The following RBPJL variants were observed in gnomAD, a reference collection of about 807,000 sequenced individuals.
The protein encoded by RBPJL is recombination signal binding protein for immunoglobulin kappa J region like.
RBPJL carries 50 observed loss-of-function variants against 57.6 expected under a neutral mutation model. The observed-to-expected ratio is 0.87, with a 90% CI of 0.69 to 1.10. The LOEUF is 1.10. Among genes scored for constraint, RBPJL ranks in the 50% least tolerant of loss-of-function variants. The pLI is 0.00. For synonymous variants in RBPJL, 303 were observed against 294.4 expected (o/e 1.03, Z -0.30); for missense variants, 684 against 693.7 (o/e 0.99, Z 0.16).
rs1207264626 is a variant in RBPJL, at chr20:45,316,725, G to T, written c.1320G>T (p.Ala440=). 1 of 1,612,414 alleles carries T rather than the reference G, an allele frequency of 6.2e-7. No homozygotes were observed. Residue 440 remains alanine, a synonymous_variant, in exon 12 of 12, where the codon GCG becomes GCT. Coordinates refer to ENST00000343694, the MANE Select transcript of RBPJL (RefSeq NM_014276.4). ...TGGTGTGCGTGGTGCCGGACGTGGC[G>T]GCCTTCTGCAGCGACTGGCGCTGGC... is the stretch of plus-strand genomic sequence containing the variant. ...RSLVCVVPDV[A]AFCSDWRWLR...
intron 4 of RBPJL, 82 bp from the exon 5 acceptor site, chr20:45,311,757 G>T (rs1248366031): frequency 6.5e-6 from 10 of 1,539,236 alleles, no homozygotes; most frequent in Non-Finnish European, 8.9e-6. Flanking sequence ...GTCTCCCCGC[G>T]CCCTCTGGCG....
Position 45,314,468 on chromosome 20 carries a change from C to T in RBPJL, c.923C>T (p.Ser308Phe), listed in dbSNP as rs1222887208. Reference protein sequence around the residue: ...CALLDVDEPISQLHKCAFQFP... With the variant: ...CALLDVDEPIFQLHKCAFQFP... Reference sequence around the variant, plus strand: ...CTCCTTGATGTGGATGAGCCCATCTCCCAGCTGCACAAGTGTGCATTCCAG... The same window carrying T: ...CTCCTTGATGTGGATGAGCCCATCTTCCAGCTGCACAAGTGTGCATTCCAG... The change falls in exon 9 of 12, where the codon TCC becomes TTC. Residue 308 changes from serine (S) to phenylalanine (F), a missense_variant. Coordinates refer to ENST00000343694, the MANE Select transcript of RBPJL (RefSeq NM_014276.4). 6.8e-6 allele frequency: 11 copies of T among 1,614,220 alleles called. No homozygotes were observed. Among genetic ancestry groups the T allele is most frequent in the Non-Finnish European group, 9.3e-6 (11 of 1,180,028 alleles).
intron 2 of RBPJL, 144 bp downstream of exon 2, chr20:45,308,395 C>T (rs373514399): frequency 3.4e-5 from 21 of 610,746 alleles, no homozygotes; most frequent in African/African-American, 2.2e-4. Context: ...GGGAGGGATC[C>T]CCCCTTCCTC....
At position 45,311,584 on chromosome 20, in the gene RBPJL, C is replaced by T. The variant is rs375904402; in HGVS notation, c.258-5C>T. ...CACGACTCCAACACTCACTTATCTC[C>T]GCAGGTTCTTCTGCCCCCCGCCCTG... On this transcript the variant is annotated splice_polypyrimidine_tract_variant and splice_region_variant and intron_variant, in intron 3 of 11. Transcript: ENST00000343694. 258 of 1,614,082 alleles carry T rather than the reference C, an allele frequency of 1.6e-4. No individual in the cohort carries two copies. Among genetic ancestry groups the T allele is most frequent in the East Asian group, 4.9e-4 (22 of 44,880 alleles).
In RBPJL at chr20:45,311,824, C is replaced by T. The variant is rs943658281; in HGVS notation, c.329-15C>T. On this transcript the variant is annotated splice_polypyrimidine_tract_variant and intron_variant, in intron 4 of 11. Coordinates refer to ENST00000343694, the MANE Select transcript of RBPJL (RefSeq NM_014276.4). ...CTCCCGAGTCCTTGCAGAGCCAGTT[C>T]GCGTCCCTTTCCAGCTCACCAGGCG... The T allele has an allele frequency of 1.3e-5, 20 of 1,546,504 alleles. No homozygotes were observed. In the Admixed American group the frequency reaches 2.0e-4, roughly 15 times the overall value.
rs1986729320 is a variant in RBPJL at position 45,306,849 on chromosome 20, A to G, written c.-74A>G. 8.9e-7 allele frequency: 1 copy of G among 1,122,866 alleles called. No individual in the cohort carries two copies. Among genetic ancestry groups the G allele is most frequent in the East Asian group, 3.2e-5 (1 of 31,294 alleles). The allele number at this position is 1,122,866 out of a possible 1,614,324, so 69.6% of individuals were successfully genotyped here. On this transcript the variant is annotated 5_prime_UTR_variant, in exon 1 of 12. Coordinates refer to ENST00000343694, the MANE Select transcript of RBPJL (RefSeq NM_014276.4). ...CAAGAGCCGAGGAGCAGGGGTGTGC[A>G]GGGTTCCAGCGACAGCAGCACTGGA...
intron 4 of RBPJL, 81 bp from the exon 5 acceptor site, chr20:45,311,758 C>G: frequency 1.3e-6 from 2 of 1,544,900 alleles, no homozygotes; most frequent in Non-Finnish European, 8.8e-7. Flanking sequence ...TCTCCCCGCG[C>G]CCTCTGGCGG....
In RBPJL at chr20:45,311,852, G is replaced by C. The variant is rs1352490961; in HGVS notation, c.342G>C (p.Gly114=). 2 of 1,551,830 alleles carry C rather than the reference G, an allele frequency of 1.3e-6. No homozygotes were observed. The highest frequency in any genetic ancestry group is 1.7e-6 in the Non-Finnish European group (2 of 1,147,018). ...GTCCCTTTCCAGCTCACCAGGCGGGGGAAACGGGGCCCACGGTCTGCGGTT... is the reference window on the plus strand; with the variant it reads ...GTCCCTTTCCAGCTCACCAGGCGGGCGAAACGGGGCCCACGGTCTGCGGTT... The part of the protein sequence containing the change: ...KPGQDQAHQA[G]ETGPTVCGYM... Residue 114 remains glycine (G), a synonymous_variant, in exon 5 of 12, where the codon GGG becomes GGC. Coordinates refer to ENST00000343694, the MANE Select transcript of RBPJL (RefSeq NM_014276.4).
rs1020019760 is a variant in RBPJL at position 45,316,842 on chromosome 20, C to T, written c.1437C>T (p.Tyr479=). ...TCTCCTTCACCTACACCCCGGAATA[C>T]AGCGTGCGGCCGGGTCACCCCGGCG... ...SAFSFTYTPE[Y]SVRPGHPGVP... is the part of the protein sequence containing the mutation. The change falls in exon 12 of 12, where the codon TAC becomes TAT. Residue 479 remains tyrosine, a synonymous_variant. Transcript: ENST00000343694. 7 of 1,613,826 alleles carry T rather than the reference C, an allele frequency of 4.3e-6. No homozygotes were observed. The South Asian group carries it at 6.6e-5, about 15-fold the overall frequency.
Position 45,317,129 on chromosome 20 carries a change from C to T in RBPJL, c.*170C>T. 1 of 718,842 alleles carries T rather than the reference C, an allele frequency of 1.4e-6. No homozygotes were observed. Among genetic ancestry groups the T allele is most frequent in the South Asian group, 1.8e-5 (1 of 54,132 alleles). 44.5% of individuals were successfully genotyped at this position (718,842 alleles called of 1,614,324 possible). Reference sequence around the variant, plus strand: ...TGGGTCTTACCCGGCTCACTCCCTCCCTTGTCCTTACACATACAGGAAGAC... The same window carrying T: ...TGGGTCTTACCCGGCTCACTCCCTCTCTTGTCCTTACACATACAGGAAGAC... On this transcript the variant is annotated 3_prime_UTR_variant, in exon 12 of 12. Coordinates refer to ENST00000343694, the MANE Select transcript of RBPJL (RefSeq NM_014276.4).
rs762845485 is a variant in RBPJL at position 45,311,672 on chromosome 20, T to C, written c.328+13T>C. On this transcript the variant is annotated intron_variant, in intron 4 of 11. Coordinates refer to ENST00000343694, the MANE Select transcript of RBPJL (RefSeq NM_014276.4). ...GGGCAGGATCAAGGTGAGGGCGGAA[T>C]CAAGGGCTGCCGGCCGCCTGCTCTG... The C allele has an allele frequency of 1.2e-5, 19 of 1,613,562 alleles. No individual in the cohort carries two copies. Among genetic ancestry groups the C allele is most frequent in the Admixed American group, 1.7e-5 (1 of 60,000 alleles).
At chr20:45,311,517 C>A in intron 3 of RBPJL, 72 bp from the exon 4 acceptor site, 1 of 1,437,838 alleles carries the variant, frequency 7.0e-7, no homozygotes, top group Non-Finnish European at 9.8e-7. Context: ...GTTTATGCTA[C>A]TACCTTGCCG....
rs1335312161 is a variant in RBPJL at position 45,317,039 on chromosome 20, C to G, written c.*80C>G. The G allele has an allele frequency of 8.0e-6, 12 of 1,492,396 alleles. No homozygotes were observed. The highest frequency in any genetic ancestry group is 2.8e-5 in the African/African-American group (2 of 71,490). 92.4% of individuals were successfully genotyped at this position (1,492,396 alleles called of 1,614,324 possible). ...CGGGGACGTGTTTCTGGGTTCTAGG[C>G]CCTGCTTCCTTGCCCCTTTGCTGCA... On this transcript the variant is annotated 3_prime_UTR_variant, in exon 12 of 12. Transcript: ENST00000343694.
At chr20:45,313,075 G>C (rs917140353) in intron 6 of RBPJL, among the ~76,000 whole-genome samples, 25 of 152,052 alleles carry the variant, frequency 1.6e-4, no homozygotes, top group African/African-American at 5.1e-4. Context: ...CAAAGGAACA[G>C]GCAAAGGTTC....
intron 9 of RBPJL, 88 bp downstream of exon 9, chr20:45,314,653 G>A: frequency 2.3e-6 from 3 of 1,332,804 alleles, no homozygotes; most frequent in Middle Eastern, 1.9e-4. Flanking sequence ...CCTCACCATG[G>A]TTGCTACTTC....
At position 45,314,056 on chromosome 20, in the gene RBPJL, G is replaced by A. The variant is rs1377688763; in HGVS notation, c.779G>A (p.Gly260Glu). Residue 260 changes from glycine (G) to glutamate (E), a missense_variant, in exon 8 of 12, where the codon GGA (glycine) becomes GAA (glutamate). Gly to Glu is a moderately conservative substitution (Grantham distance 98). Coordinates refer to ENST00000343694, the MANE Select transcript of RBPJL (RefSeq NM_014276.4). ...LHLADGHSAQGDFPPREGYVR... is the reference protein window; with the variant it reads ...LHLADGHSAQEDFPPREGYVR... ...CCAGCTGATGGGCACTCTGCCCAAGGAGACTTCCCACCGCGAGAGGGCTAC... is the reference window on the plus strand; with the variant it reads ...CCAGCTGATGGGCACTCTGCCCAAGAAGACTTCCCACCGCGAGAGGGCTAC... 2 of 1,613,990 alleles carry A rather than the reference G, an allele frequency of 1.2e-6. No individual in the cohort carries two copies. Among genetic ancestry groups the A allele is most frequent in the Non-Finnish European group, 1.7e-6 (2 of 1,179,926 alleles).
intron 2 of RBPJL, among the ~76,000 whole-genome samples, chr20:45,309,208 C>G (rs1987007656): frequency 6.6e-6 from 1 of 152,142 alleles, no homozygotes; most frequent in Non-Finnish European, 1.5e-5. Context: ...TCTTCTCCAT[C>G]CCAAGGCCAG....
In RBPJL at chr20:45,309,570, A is replaced by T; in HGVS notation, c.135A>T (p.Ser45=). ...GACCTGCCTGCCCTACTCCCAGGTCATCCCCAGAGCACACCACCATTCTGA... is the reference window on the plus strand; with the variant it reads ...GACCTGCCTGCCCTACTCCCAGGTCTTCCCCAGAGCACACCACCATTCTGA... ...RRSLPGTWTR[S]SPEHTTILRG... The change falls in exon 3 of 12, where the codon TCA becomes TCT. Residue 45 remains serine (S), a synonymous_variant. Transcript: ENST00000343694. The T allele has an allele frequency of 6.2e-7, 1 of 1,606,052 alleles. No homozygotes were observed. The highest frequency in any genetic ancestry group is 8.5e-7 in the Non-Finnish European group (1 of 1,175,866).
chr20:45,307,313 A>G (rs369666560), intron 1 of RBPJL, among the ~76,000 whole-genome samples: 9 of 152,248 alleles, frequency 5.9e-5, no homozygotes, highest in East Asian at 5.8e-4. Flanking sequence ...GAGCGAGGCC[A>G]GTGCCTGCTT....
Sources: allele counts gnomAD v4.1 joint callset (sites outside exome capture counted in the v4.1 genomes callset), GRCh38; gene constraint gnomAD v4.1.1; transcripts MANE v1.5; gene names NCBI Gene and HGNC (gene_info 2026-07-23, HGNC 2026-07-21).